Variants in THSD7B observed in about 807,000 individuals in gnomAD.
THSD7B encodes thrombospondin type-1 domain-containing protein 7B.
THSD7B carries 138 observed loss-of-function variants against 213.6 expected under a neutral mutation model. The observed-to-expected ratio is 0.65, with a 90% CI of 0.56 to 0.74. THSD7B has a LOEUF of 0.74. THSD7B is among the 30% of genes least tolerant of loss of function. THSD7B has a pLI of 0.00. For synonymous variants in THSD7B, 742 were observed against 687.0 expected, an observed-to-expected ratio of 1.08 and a Z score of -1.25; for missense variants, 1,931 against 1,991.5, an observed-to-expected ratio of 0.97 and a Z score of 0.58.
At chr2:137,539,516 G>A (rs1339359608) in intron 15 of THSD7B, among the ~76,000 whole-genome samples, 2 of 151,670 alleles carry the variant, frequency 1.3e-5, no homozygotes, top group Non-Finnish European at 3.0e-5. Context: ...TAGTCATATG[G>A]TGTATAAGTA....
chr2:137,429,328 T>C (rs1687124416), intron 14 of THSD7B, among the ~76,000 whole-genome samples: 1 of 152,220 alleles, frequency 6.6e-6, no homozygotes, highest in South Asian at 2.1e-4. Flanking sequence ...TCAGTAAAGC[T>C]GTGAAAAATT....
intron 3 of THSD7B, among the ~76,000 whole-genome samples, chr2:137,058,511 A>C (rs1687209618): frequency 6.6e-6 from 1 of 152,174 alleles, no homozygotes; most frequent in Non-Finnish European, 1.5e-5. Flanking sequence ...AATGAGTGAA[A>C]GTACTGAGTT....
rs1278729493 is a variant in THSD7B at position 136,861,074 on chromosome 2, A to T, written c.-35-21070A>T. Among the ~76,000 whole-genome samples the T allele has an allele frequency of 3.9e-5, 6 of 152,360 alleles. No individual in the cohort carries two copies. In the South Asian group the frequency reaches 1.2e-3, roughly 32 times the overall value. On this transcript the variant is annotated intron_variant, in intron 1 of 27. Coordinates refer to ENST00000409968, the MANE Select transcript of THSD7B (RefSeq NM_001316349.2). ...GGACAGTACTTGGTATGTAGTAGGT[A>T]CCCACTGAATGTGTATTGGAAAATT...
chr2:137,262,501 T>C (rs371597566), intron 10 of THSD7B, among the ~76,000 whole-genome samples: 2 of 152,142 alleles, frequency 1.3e-5, no homozygotes, highest in East Asian at 3.9e-4. Context: ...ACATAACACA[T>C]TGACAAGAAG....
At chr2:137,275,886 A>G (rs367762186) in intron 11 of THSD7B, 37 bp from the exon 12 acceptor site, 5 of 1,502,480 alleles carry the variant, frequency 3.3e-6, no homozygotes, top group Non-Finnish European at 4.6e-6. Flanking sequence ...TGTTGATCAC[A>G]GTAAAGTTTC....
At chr2:137,042,860 A>G (rs1558897498) in intron 2 of THSD7B, among the ~76,000 whole-genome samples, 3 of 152,236 alleles carry the variant, frequency 2.0e-5, no homozygotes, top group South Asian at 2.1e-4. Context: ...AATTCAAATG[A>G]CATTTCTTCA....
intron 26 of THSD7B, among the ~76,000 whole-genome samples, chr2:137,664,590 CT>C (rs528707073): frequency 1.8e-4 from 28 of 152,138 alleles, no homozygotes; most frequent in Non-Finnish European, 3.2e-4. Flanking sequence ...CATGAAATGT[CT>C]CATTACATTC....
At chr2:137,128,857 C>T (rs1425878911) in intron 5 of THSD7B, among the ~76,000 whole-genome samples, 1 of 152,184 alleles carries the variant, frequency 6.6e-6, no homozygotes, top group Non-Finnish European at 1.5e-5. Context: ...GGAAAGCAGC[C>T]TCAGGAATCA....
intron 20 of THSD7B, among the ~76,000 whole-genome samples, chr2:137,638,772 G>A (rs1027769210): frequency 1.3e-5 from 2 of 152,180 alleles, no homozygotes; most frequent in African/African-American, 4.8e-5. Flanking sequence ...TGGAGGAAAG[G>A]TGACTCTTGT....
At chr2:136,866,978 T>G (rs541160611) in intron 1 of THSD7B, among the ~76,000 whole-genome samples, 1 of 152,240 alleles carries the variant, frequency 6.6e-6, no homozygotes, top group Non-Finnish European at 1.5e-5. Context: ...TATCATAATC[T>G]ACTACTGGAA....
At chr2:137,164,216 T>G (rs72852239) in intron 6 of THSD7B, among the ~76,000 whole-genome samples, 7,151 of 151,716 alleles carry the variant, frequency 0.047, 259 homozygotes, top group Non-Finnish European at 0.07. Flanking sequence ...TAACCAGAGG[T>G]GGGGAGTGTT....
chr2:137,172,205 A>G (rs182407646), intron 7 of THSD7B, among the ~76,000 whole-genome samples: 4 of 152,098 alleles, frequency 2.6e-5, no homozygotes, highest in African/African-American at 4.8e-5. Flanking sequence ...TTTTGTTTTC[A>G]TAGTTGGTCT....
intron 1 of THSD7B, among the ~76,000 whole-genome samples, chr2:136,838,717 G>T (rs1221422336): frequency 3.3e-5 from 5 of 152,190 alleles, no homozygotes; most frequent in Non-Finnish European, 5.9e-5. Context: ...ATCTGACTGG[G>T]GGTGGCCATT....
At chr2:137,520,389 C>G (rs1475198150) in intron 15 of THSD7B, among the ~76,000 whole-genome samples, 1 of 152,118 alleles carries the variant, frequency 6.6e-6, no homozygotes, top group South Asian at 2.1e-4. Flanking sequence ...CTAGGATAAG[C>G]ACTCTGTATA....
At chr2:137,561,467 C>T (rs1236029987) in intron 15 of THSD7B, among the ~76,000 whole-genome samples, 1 of 152,146 alleles carries the variant, frequency 6.6e-6, no homozygotes, top group Non-Finnish European at 1.5e-5. Flanking sequence ...TTTCATCCAG[C>T]CCTGTTTGTA....
At chr2:137,512,790 T>G (rs935340013) in intron 15 of THSD7B, among the ~76,000 whole-genome samples, 16 of 152,262 alleles carry the variant, frequency 1.1e-4, no homozygotes, top group African/African-American at 3.9e-4. Flanking sequence ...ATCCTTTACA[T>G]GTAGTAATTC....
At chr2:137,559,164 C>T (rs1193707041) in intron 15 of THSD7B, among the ~76,000 whole-genome samples, 2 of 152,030 alleles carry the variant, frequency 1.3e-5, no homozygotes, top group Non-Finnish European at 2.9e-5. Context: ...GATTCAATGC[C>T]ATCCCCATCA....
chr2:137,274,036 T>C (rs1212513823), intron 11 of THSD7B, among the ~76,000 whole-genome samples: 1 of 152,114 alleles, frequency 6.6e-6, no homozygotes, highest in African/African-American at 2.4e-5. Flanking sequence ...ATTTAGCTAC[T>C]TGTGTTTGAG....
intron 4 of THSD7B, among the ~76,000 whole-genome samples, chr2:137,112,419 A>G (rs1405566897): frequency 1.3e-5 from 2 of 152,106 alleles, no homozygotes; most frequent in South Asian, 2.1e-4. Flanking sequence ...ATCATTTGCC[A>G]GTGAATGGAA....
Sources: allele counts gnomAD v4.1 joint callset (sites outside exome capture counted in the v4.1 genomes callset), GRCh38; gene constraint gnomAD v4.1.1; transcripts MANE v1.5; gene names NCBI Gene and HGNC (gene_info 2026-07-23, HGNC 2026-07-21).